The following CCDC3 variants were observed in gnomAD, a reference collection of about 807,000 sequenced individuals.
CCDC3 encodes coiled-coil domain-containing protein 3.
Under a neutral mutation model 21.4 loss-of-function variants are expected in CCDC3, and 24 were observed. The ratio of observed to expected loss-of-function variants is 1.12; its 90% CI spans 0.81 to 1.58. The LOEUF (loss-of-function observed/expected upper bound fraction) is 1.58. Ranked by LOEUF, CCDC3 falls within the 40% of genes most tolerant of loss-of-function variation. The pLI is 0.00. For synonymous variants in CCDC3, 186 were observed against 166.0 expected, an observed-to-expected ratio of 1.12 and a Z score of -0.93; for missense variants, 425 against 360.9, an observed-to-expected ratio of 1.18 and a Z score of -1.44.
intron 2 of CCDC3, among the ~76,000 whole-genome samples, chr10:12,964,597 C>T (rs553167983): frequency 6.6e-6 from 1 of 152,296 alleles, no homozygotes; most frequent in South Asian, 2.1e-4. Context: ...CCTGATTAAC[C>T]CGTGCCTGGA....
At chr10:12,986,705 G>A (rs1207924861) in intron 2 of CCDC3, among the ~76,000 whole-genome samples, 10 of 151,680 alleles carry the variant, frequency 6.6e-5, no homozygotes, top group Non-Finnish European at 8.8e-5. Flanking sequence ...CGCGGGAGGC[G>A]GAGCTTGCAG....
Position 13,067,391 on chromosome 10 carries a change from G to GTT in CCDC3, c.-270+6475_-270+6476dup, listed in dbSNP as rs34693791. ...TCAGCATTTAACTTTTAAGTGAGAGGTTTTTTTTTTCCTTTTTGAAGACAT... is the reference window on the plus strand; with the variant it reads ...TCAGCATTTAACTTTTAAGTGAGAGGTTTTTTTTTTTTCCTTTTTGAAGACAT... On this transcript the variant is annotated intron_variant, in intron 4 of 6. Transcript: ENST00000378839. Among the ~76,000 whole-genome samples the GTT allele has an allele frequency of 9.1e-3, 1,373 of 150,802 alleles. 20 individuals carry two copies. The highest frequency in any genetic ancestry group is 0.031 in the African/African-American group (1,274 of 41,170).
chr10:13,050,475 T>C (rs1836590723), intron 4 of CCDC3, among the ~76,000 whole-genome samples: 1 of 149,626 alleles, frequency 6.7e-6, no homozygotes, highest in South Asian at 2.1e-4. Context: ...TTTTTTTTTT[T>C]TTTGAGACGG....
chr10:13,089,403 T>C (rs1033852368), intron 3 of CCDC3, among the ~76,000 whole-genome samples: 9 of 152,204 alleles, frequency 5.9e-5, no homozygotes. Context: ...TTGAAGTTGC[T>C]GGGACTATTG....
chr10:13,077,041 A>G (rs1836973225), intron 3 of CCDC3, among the ~76,000 whole-genome samples: 1 of 152,226 alleles, frequency 6.6e-6, no homozygotes, highest in Non-Finnish European at 1.5e-5. Context: ...AATAAAGGGT[A>G]TTCAATTAGG....
intron 2 of CCDC3, among the ~76,000 whole-genome samples, chr10:12,969,676 T>A (rs958662039): frequency 3.3e-5 from 5 of 149,500 alleles, no homozygotes; most frequent in African/African-American, 1.2e-4. Context: ...CTTAAAAAAA[T>A]TTTAGAAATT....
chr10:12,922,643 A>G (rs1207402129), intron 2 of CCDC3, among the ~76,000 whole-genome samples: 1 of 151,930 alleles, frequency 6.6e-6, no homozygotes, highest in Non-Finnish European at 1.5e-5. Context: ...TCTCTCTGAA[A>G]CATGCTCTTC....
At chr10:12,957,428 G>A (rs1408642240) in intron 2 of CCDC3, among the ~76,000 whole-genome samples, 1 of 152,210 alleles carries the variant, frequency 6.6e-6, no homozygotes, top group Non-Finnish European at 1.5e-5. Context: ...TCTGCTAAAG[G>A]TTGCTAGAAT....
intron 4 of CCDC3, among the ~76,000 whole-genome samples, chr10:13,070,093 A>G (rs1164857351): frequency 1.6e-5 from 2 of 121,944 alleles, no homozygotes; most frequent in African/African-American, 5.9e-5. Context: ...AAACTAATAC[A>G]AAACTGAGGT....
In CCDC3 at chr10:13,075,698, T is replaced by A. The variant is rs530994756; in HGVS notation, c.-502-1598A>T. ...TGAGCCTTCAATGCTCAATATACTT[T>A]TCAAAAATTGATGATTAACCAATTT... On this transcript the variant is annotated intron_variant, in intron 3 of 6. Transcript: ENST00000378839. 7.8e-4 allele frequency among the ~76,000 whole-genome samples: 119 copies of A among 152,270 alleles called. No individual in the cohort carries two copies. The South Asian group carries it at 0.014, about 18-fold the overall frequency.
intron 2 of CCDC3, among the ~76,000 whole-genome samples, chr10:12,983,096 C>G (rs1835527180): frequency 7.1e-6 from 1 of 141,582 alleles, no homozygotes. Context: ...TGGGTGATGG[C>G]TGTCTCAAAA....
chr10:12,991,905 TTCTG>T (rs1835687730), intron 2 of CCDC3, among the ~76,000 whole-genome samples: 1 of 152,114 alleles, frequency 6.6e-6, no homozygotes, highest in Non-Finnish European at 1.5e-5. Flanking sequence ...AGGCCTTGTT[TTCTG>T]TCTCTTTCTT....
intron 2 of CCDC3, among the ~76,000 whole-genome samples, chr10:12,913,871 G>T (rs1834307789): frequency 6.6e-6 from 1 of 152,100 alleles, no homozygotes; most frequent in South Asian, 2.1e-4. Flanking sequence ...TTCCATTAAT[G>T]TGATGTATCT....
intron 2 of CCDC3, among the ~76,000 whole-genome samples, chr10:12,948,728 GTTT>G (rs72323989): frequency 1.1e-5 from 1 of 91,072 alleles, no homozygotes; most frequent in East Asian, 3.8e-4. Context: ...TTTTAAGGCA[GTTT>G]TTTTTTTTTT....
intron 2 of CCDC3, among the ~76,000 whole-genome samples, chr10:12,923,717 G>GTGTT (rs1834490742): frequency 6.6e-6 from 1 of 152,182 alleles, no homozygotes; most frequent in Non-Finnish European, 1.5e-5. Flanking sequence ...GGCAGCATCT[G>GTGTT]TGTTTGACTC....
At chr10:13,049,794 C>G (rs1471165767) in exon 5 of CCDC3, 1 of 152,126 alleles carries the variant, frequency 6.6e-6, no homozygotes, top group African/African-American at 2.4e-5. Context: ...CTCAGACCAC[C>G]CTTTCTGGAG....
intron 5 of CCDC3, among the ~76,000 whole-genome samples, chr10:13,040,248 T>C (rs551095029): frequency 6.6e-6 from 1 of 152,270 alleles, no homozygotes; most frequent in East Asian, 1.9e-4. Context: ...GACCCCACTG[T>C]GTCAACCCAG....
Position 12,936,652 on chromosome 10 carries a change from C to G in CCDC3, c.550-37973G>C, listed in dbSNP as rs571045007. The stretch of plus-strand genomic sequence containing the variant: ...AGTTCCTCCTAAGGTCTCCTAAGAC[C>G]AAGCACAGAGGCTTACGCCTGTAAT... On this transcript the variant is annotated intron_variant, in intron 2 of 2. Transcript: ENST00000378825. Among the ~76,000 whole-genome samples the G allele has an allele frequency of 2.0e-5, 3 of 152,326 alleles. No homozygotes were observed. In the East Asian group the frequency reaches 5.8e-4, roughly 29 times the overall value.
intron 3 of CCDC3, among the ~76,000 whole-genome samples, chr10:13,094,393 A>G (rs1832609243): frequency 6.6e-6 from 1 of 151,948 alleles, no homozygotes; most frequent in South Asian, 2.1e-4. Context: ...AGTAGCTGGG[A>G]CTATAGGCGT....
Sources: allele counts gnomAD v4.1 joint callset (sites outside exome capture counted in the v4.1 genomes callset), GRCh38; gene constraint gnomAD v4.1.1; transcripts MANE v1.5; gene names NCBI Gene and HGNC (gene_info 2026-07-23, HGNC 2026-07-21).